Variants in GHR observed in about 807,000 individuals in gnomAD.
GHR encodes GH receptor.
GHR carries 35 observed loss-of-function variants against 67.1 expected under a neutral mutation model. The ratio of observed to expected loss-of-function variants is 0.52; its 90% CI spans 0.40 to 0.69. The LOEUF is 0.69. Among genes scored for constraint, GHR ranks in the 30% least tolerant of loss-of-function variants. The pLI is 0.00. For synonymous variants in GHR, 272 were observed against 269.1 expected (o/e 1.01, Z -0.10); for missense variants, 792 against 764.6 (o/e 1.04, Z -0.42).
chr5:42,579,596 A>G (rs1579985452), intron 2 of GHR, among the ~76,000 whole-genome samples: 1 of 152,312 alleles, frequency 6.6e-6, no homozygotes, highest in South Asian at 2.1e-4. Context: ...ACAAATCCCC[A>G]TGAATGCATG....
At chr5:42,635,520 T>G (rs1754135828) in intron 3 of GHR, among the ~76,000 whole-genome samples, 1 of 152,220 alleles carries the variant, frequency 6.6e-6, no homozygotes, top group South Asian at 2.1e-4. Flanking sequence ...TGCAGTGACT[T>G]TTTTCCAGCC....
intron 2 of GHR, among the ~76,000 whole-genome samples, chr5:42,581,886 G>A (rs577288411): frequency 6.6e-6 from 1 of 152,210 alleles, no homozygotes; most frequent in Non-Finnish European, 1.5e-5. Flanking sequence ...AGCACCCCCT[G>A]CTCCTGCAGG....
In GHR at chr5:42,647,446, T is replaced by C. The variant is rs541408092; in HGVS notation, c.136+18343T>C. 1.1e-4 allele frequency among the ~76,000 whole-genome samples: 16 copies of C among 151,854 alleles called. No homozygotes were observed. The East Asian group carries it at 2.9e-3, about 28-fold the overall frequency. ...AAATATAGCTGGGCGTGGTGGCAGG[T>C]GCCTGTAGTCCCAGCTACTCTGGAG... On this transcript the variant is annotated intron_variant, in intron 3 of 9. Coordinates refer to ENST00000230882, the MANE Select transcript of GHR (RefSeq NM_000163.5).
At chr5:42,547,356 G>A (rs912396502) in intron 1 of GHR, among the ~76,000 whole-genome samples, 1 of 152,124 alleles carries the variant, frequency 6.6e-6, no homozygotes, top group Non-Finnish European at 1.5e-5. Context: ...AGGAAAATGA[G>A]TCACACAGTC....
rs537535193 is a variant in GHR, at chr5:42,424,386, C to T, written c.-12+431C>T. The T allele has an allele frequency of 1.7e-6, 1 of 597,752 alleles. No individual in the cohort carries two copies. The highest frequency in any genetic ancestry group is 2.0e-5 in the South Asian group (1 of 50,270). 37.0% of individuals were successfully genotyped at this position (597,752 alleles called of 1,614,324 possible). On this transcript the variant is annotated intron_variant, in intron 1 of 9. Coordinates refer to ENST00000230882, the MANE Select transcript of GHR (RefSeq NM_000163.5). This position sits in a 1 kb window ranked among gnomAD's most constrained non-coding sequence, Gnocchi z 4.1. ...TGTGTTTCTGTTTGCCATCATCTGCCTGGCTGCGGCAGGAACTGCCGAGGC... is the reference window on the plus strand; with the variant it reads ...TGTGTTTCTGTTTGCCATCATCTGCTTGGCTGCGGCAGGAACTGCCGAGGC...
At chr5:42,459,225 A>G (rs1744385362) in intron 1 of GHR, among the ~76,000 whole-genome samples, 1 of 152,208 alleles carries the variant, frequency 6.6e-6, no homozygotes, top group Non-Finnish European at 1.5e-5. Flanking sequence ...CTGTGGCACT[A>G]TAACAGAGAC....
chr5:42,552,594 T>C (rs1227273861), intron 1 of GHR, among the ~76,000 whole-genome samples: 1 of 152,256 alleles, frequency 6.6e-6, no homozygotes, highest in African/African-American at 2.4e-5. Flanking sequence ...GGGCCTGATT[T>C]ATCTTAGCCA....
intron 2 of GHR, among the ~76,000 whole-genome samples, chr5:42,585,747 A>G (rs901839288): frequency 7.2e-5 from 11 of 151,962 alleles, no homozygotes; most frequent in African/African-American, 2.7e-4. Context: ...GTACATGTAC[A>G]AAGGTAATGC....
intron 3 of GHR, among the ~76,000 whole-genome samples, chr5:42,639,333 A>G (rs923201724): frequency 1.3e-5 from 2 of 152,124 alleles, no homozygotes; most frequent in Admixed American, 6.5e-5. Context: ...CACTTTAAAG[A>G]CTCATAAACC....
At chr5:42,641,388 T>G (rs1056693034) in intron 3 of GHR, among the ~76,000 whole-genome samples, 6 of 152,130 alleles carry the variant, frequency 3.9e-5, no homozygotes, top group African/African-American at 1.4e-4. Context: ...AACTTAAAAT[T>G]TATTTTTGCT....
At chr5:42,427,339 C>T (rs1742897491) in intron 1 of GHR, among the ~76,000 whole-genome samples, 1 of 152,200 alleles carries the variant, frequency 6.6e-6, no homozygotes, top group African/African-American at 2.4e-5. Flanking sequence ...GGAGCAAAGG[C>T]ATGTCTTACA....
intron 1 of GHR, among the ~76,000 whole-genome samples, chr5:42,527,154 T>A (rs1321674755): frequency 6.6e-6 from 1 of 152,080 alleles, no homozygotes; most frequent in East Asian, 1.9e-4. Flanking sequence ...AGTGACACTA[T>A]AAAGCAACCA....
intron 3 of GHR, among the ~76,000 whole-genome samples, chr5:42,687,364 A>T (rs1757210495): frequency 6.6e-6 from 1 of 152,228 alleles, no homozygotes; most frequent in African/African-American, 2.4e-5. Flanking sequence ...CATAGCCAAG[A>T]TAATCGTAAG....
At chr5:42,479,629 G>A (rs1243362410) in intron 1 of GHR, among the ~76,000 whole-genome samples, 4 of 152,046 alleles carry the variant, frequency 2.6e-5, no homozygotes, top group Non-Finnish European at 4.4e-5. Flanking sequence ...TGTATGTGTC[G>A]AGGAATTTAT....
At chr5:42,644,685 A>G (rs998361411) in intron 3 of GHR, among the ~76,000 whole-genome samples, 1 of 152,090 alleles carries the variant, frequency 6.6e-6, no homozygotes, top group Non-Finnish European at 1.5e-5. Context: ...TTAGAGATAC[A>G]TACCTAGATA....
chr5:42,664,898 G>GA lies in GHR; in HGVS notation c.137-23985dup, dbSNP rs966134268. Among the ~76,000 whole-genome samples the GA allele has an allele frequency of 4.0e-4, 61 of 151,994 alleles. 5 individuals are homozygous for GA. The highest frequency in any genetic ancestry group is 1.2e-3 in the African/African-American group (48 of 41,466). Reference sequence around the variant, plus strand: ...ACAATGAACTCAAACAAATCTACAGGAAAAAAACAAACAACACCATCAAAA... The same window carrying GA: ...ACAATGAACTCAAACAAATCTACAGGAAAAAAAACAAACAACACCATCAAAA... On this transcript the variant is annotated intron_variant, in intron 3 of 9. Transcript: ENST00000230882.
intron 1 of GHR, chr5:42,468,175 TC>T: frequency 7.2e-7 from 1 of 1,379,400 alleles, no homozygotes; most frequent in Non-Finnish European, 1.0e-6. Flanking sequence ...CTGACGAAAC[TC>T]CCCTGGGGCC....
chr5:42,587,038 C>T (rs1313642916), intron 2 of GHR, among the ~76,000 whole-genome samples: 1 of 145,950 alleles, frequency 6.9e-6, no homozygotes, highest in Non-Finnish European at 1.5e-5. Context: ...AAAAAAAAAA[C>T]TCACTGAATA....
At chr5:42,653,078 C>T (rs550199810) in intron 3 of GHR, among the ~76,000 whole-genome samples, 33 of 152,248 alleles carry the variant, frequency 2.2e-4, no homozygotes, top group Admixed American at 3.9e-4. Flanking sequence ...AGACCATATA[C>T]TAAAAGATGT....
Sources: gnomAD v4.1 joint callset for allele counts (sites outside exome capture counted in the v4.1 genomes callset) on GRCh38, gnomAD v4.1.1 for gene constraint, Gnocchi (gnomAD v3.1) non-coding constraint, MANE v1.5 for transcripts, NCBI Gene and HGNC (gene_info 2026-07-23, HGNC 2026-07-21) for gene names.